The following CENPE variants were observed in gnomAD, a reference collection of about 807,000 sequenced individuals.
The protein encoded by CENPE is centromere-associated protein E.
CENPE carries 145 observed loss-of-function variants against 336.1 expected under a neutral mutation model. The observed-to-expected ratio is 0.43, with a 90% confidence interval of 0.38 to 0.50. The LOEUF is 0.50. Among genes scored for constraint, CENPE ranks in the 20% least tolerant of loss-of-function variants. The pLI, the probability that CENPE is intolerant of heterozygous loss-of-function variation, is 0.00. For missense variants in CENPE, 2,719 were observed against 3,023.3 expected, an observed-to-expected ratio of 0.90 and a Z score of 2.36; for synonymous variants, 1,013 against 984.8, an observed-to-expected ratio of 1.03 and a Z score of -0.54.
chr4:103,185,679 C>T, intron 9 of CENPE, 131 bp downstream of exon 9: 1 of 514,792 alleles, frequency 1.9e-6, no homozygotes, highest in Non-Finnish European at 3.4e-6. Flanking sequence ...CAGAAAATCA[C>T]AATTAATGAT....
At chr4:103,196,110 T>C (rs547539080) in intron 3 of CENPE, 53 bp downstream of exon 3, 2 of 1,583,266 alleles carry the variant, frequency 1.3e-6, no homozygotes, top group Admixed American at 1.7e-5. Context: ...TGCATGCTTG[T>C]TGCACAGACG....
At chr4:103,146,179 G>T in intron 29 of CENPE, 72 bp from the exon 30 acceptor site, 1 of 1,399,594 alleles carries the variant, frequency 7.1e-7, no homozygotes, top group Non-Finnish European at 9.7e-7. Flanking sequence ...AAATCAGGAT[G>T]CTTTCTAAAA....
chr4:103,197,256 G>A (rs963891624), intron 1 of CENPE, among the ~76,000 whole-genome samples: 14 of 152,072 alleles, frequency 9.2e-5, no homozygotes, highest in African/African-American at 3.1e-4. Flanking sequence ...CTACCTGAAG[G>A]TCTTCCCCAA....
Position 103,149,177 on chromosome 4 carries a change from T to A in CENPE, c.3628A>T (p.Lys1210Ter). 6.2e-7 allele frequency: 1 copy of A among 1,609,960 alleles called. No individual in the cohort carries two copies. The highest frequency in any genetic ancestry group is 1.7e-5 in the Admixed American group (1 of 59,480). Residue 1210 changes from lysine (K) to a stop codon, truncating the protein, a stop_gained, in exon 27 of 49, where the codon AAG becomes TAG. Coordinates refer to ENST00000265148, the MANE Select transcript of CENPE (RefSeq NM_001813.3). LOFTEE classifies it high-confidence loss of function. ...TGGTCTCTCTCTGTTTCAAATGACT[T>A]CTGTAATTCCTTTAGAACTTTTCTT... ...KERKVLKELQ[K>*]SFETERDHLR...
intron 25 of CENPE, among the ~76,000 whole-genome samples, chr4:103,151,950 C>T (rs1294884371): frequency 6.6e-6 from 1 of 152,050 alleles, no homozygotes; most frequent in Non-Finnish European, 1.5e-5. Context: ...GAGACAATCC[C>T]CAAAACTTAT....
At chr4:103,158,492 A>G (rs1266066611) in intron 23 of CENPE, 34 bp from the exon 24 acceptor site, 2 of 1,513,932 alleles carry the variant, frequency 1.3e-6, no homozygotes, top group African/African-American at 2.8e-5. Flanking sequence ...AATTTCCATT[A>G]GAATATGAAA....
At position 103,145,523 on chromosome 4, in the gene CENPE, C is replaced by T; in HGVS notation, c.4572G>A (p.Lys1524=). 1 of 1,598,320 alleles carries T rather than the reference C, an allele frequency of 6.3e-7. No homozygotes were observed. The highest frequency in any genetic ancestry group is 1.3e-5 in the African/African-American group (1 of 74,232). The stretch of plus-strand genomic sequence containing the variant: ...CACTGTTTCTTCATCCCCAATTTAC[C>T]TTGTTCTGTAATTTATCATTGATTG... ...LEAINDKLQN[K]IQEIYEKEEQ... is the part of the protein sequence containing the mutation. The change falls in exon 31 of 49, where the codon AAG becomes AAA. Residue 1524 remains lysine, a splice_region_variant and synonymous_variant. Coordinates refer to ENST00000265148, the MANE Select transcript of CENPE (RefSeq NM_001813.3).
intron 16 of CENPE, among the ~76,000 whole-genome samples, chr4:103,170,189 C>T (rs976056394): frequency 8.5e-5 from 13 of 152,112 alleles, no homozygotes; most frequent in South Asian, 6.2e-4. Flanking sequence ...TGTTAAATGA[C>T]GAGTTAATGG....
At chr4:103,123,535 A>C (rs1375002252) in intron 42 of CENPE, among the ~76,000 whole-genome samples, 1 of 152,188 alleles carries the variant, frequency 6.6e-6, no homozygotes, top group East Asian at 1.9e-4. Flanking sequence ...CTTAATAAGA[A>C]AAAAAATCAT....
intron 1 of CENPE, among the ~76,000 whole-genome samples, chr4:103,197,447 A>G (rs890983704): frequency 6.6e-6 from 1 of 152,240 alleles, no homozygotes; most frequent in African/African-American, 2.4e-5. Flanking sequence ...CCTGCCCATC[A>G]TAACACTTGT....
chr4:103,132,911 A>AT lies in CENPE; in HGVS notation c.6721-16_6721-15insA. On this transcript the variant is annotated splice_polypyrimidine_tract_variant and intron_variant, in intron 41 of 48. Transcript: ENST00000265148. ...TTGAGAATTTCCTGTGTGAAAAATA[A>AT]GCGTCAAATTGTTTAAACATTAGGA... 2 of 1,238,082 alleles carry AT rather than the reference A, an allele frequency of 1.6e-6. No homozygotes were observed. Among genetic ancestry groups the AT allele is most frequent in the Non-Finnish European group, 2.2e-6 (2 of 927,210 alleles). 76.7% of individuals were successfully genotyped at this position (1,238,082 alleles called of 1,614,324 possible).
intron 15 of CENPE, among the ~76,000 whole-genome samples, chr4:103,175,305 T>C (rs534318818): frequency 6.6e-6 from 1 of 152,010 alleles, no homozygotes; most frequent in African/African-American, 2.4e-5. Context: ...CCTATTTCTA[T>C]TTTCTATATT....
intron 46 of CENPE, among the ~76,000 whole-genome samples, chr4:103,111,775 G>A (rs1287738761): frequency 6.6e-6 from 1 of 152,068 alleles, no homozygotes; most frequent in Admixed American, 6.6e-5. Flanking sequence ...CTCGGTAGGT[G>A]CTGTGGTTAT....
At position 103,122,896 on chromosome 4, in the gene CENPE, G is replaced by A; in HGVS notation, c.7118C>T (p.Ser2373Leu). 6.2e-7 allele frequency: 1 copy of A among 1,613,124 alleles called. No homozygotes were observed. The highest frequency in any genetic ancestry group is 1.1e-5 in the South Asian group (1 of 91,050). The change falls in exon 43 of 49, where the codon TCA becomes TTA. Residue 2373 changes from serine to leucine, a missense_variant. Transcript: ENST00000265148. ...CTCTGTGGTTAACTGTGTAGCTCTT[G>A]ATGTAACATGAGGATTCTTATTGTC... ...TQDNKNPHVT[S>L]RATQLTTEKI...
At chr4:103,192,907 C>T (rs1476729215) in intron 8 of CENPE, among the ~76,000 whole-genome samples, 1 of 151,562 alleles carries the variant, frequency 6.6e-6, no homozygotes, top group South Asian at 2.1e-4. Context: ...CACAGAATAC[C>T]TCCAAGTTTT....
Position 103,149,311 on chromosome 4 carries a change from T to C in CENPE, c.3494A>G (p.Asn1165Ser), listed in dbSNP as rs201637799. The change falls in exon 27 of 49, where the codon AAT becomes AGT. Residue 1165 changes from asparagine (N) to serine (S), a missense_variant. Transcript: ENST00000265148. ...TGTCAATTCTTTGTTCTTTAATTCA[T>C]TCTTTAAATTCTCTATTTCATTAAT... ...KKINEIENLK[N>S]ELKNKELTLE... The C allele has an allele frequency of 1.2e-4, 186 of 1,611,794 alleles. No individual in the cohort carries two copies. The Middle Eastern group carries it at 2.0e-3, about 17-fold the overall frequency.
In CENPE at chr4:103,159,401, C is replaced by T. The variant is rs552295400; in HGVS notation, c.2287-77G>A. On this transcript the variant is annotated intron_variant, in intron 21 of 48. Coordinates refer to ENST00000265148, the MANE Select transcript of CENPE (RefSeq NM_001813.3). ...AGCAATTTTTAGGAAAAAAAGCTTT[C>T]TCTGCAAAAAGAGAAGTTATTTACA... 133 of 879,428 alleles carry T rather than the reference C, an allele frequency of 1.5e-4. No homozygotes were observed. The East Asian group carries it at 4.0e-3, about 27-fold the overall frequency. The allele number at this position is 879,428 out of a possible 1,614,324, so 54.5% of individuals were successfully genotyped here.
chr4:103,123,053 T>C lies in CENPE; in HGVS notation c.6961A>G (p.Ser2321Gly). ...MNESTEFEER[S>G]ATISKEWEQD... is the part of the protein sequence containing the mutation. Reference sequence around the variant, plus strand: ...TCCCACTCTTTGGATATGGTAGCACTTCTTTCCTCAAACTCTGTTGATTCA... The same window carrying C: ...TCCCACTCTTTGGATATGGTAGCACCTCTTTCCTCAAACTCTGTTGATTCA... The change falls in exon 43 of 49, where the codon AGT becomes GGT. Residue 2321 changes from serine (S) to glycine (G), a missense_variant. Coordinates refer to ENST00000265148, the MANE Select transcript of CENPE (RefSeq NM_001813.3). 1 of 1,613,950 alleles carries C rather than the reference T, an allele frequency of 6.2e-7. No homozygotes were observed. Among genetic ancestry groups the C allele is most frequent in the Non-Finnish European group, 8.5e-7 (1 of 1,179,874 alleles).
intron 20 of CENPE, 68 bp downstream of exon 20, chr4:103,161,018 T>A: frequency 7.7e-7 from 1 of 1,298,770 alleles, no homozygotes; most frequent in East Asian, 2.4e-5. Flanking sequence ...AATATGCTTG[T>A]CAAATTGTTT....
Sources: allele counts gnomAD v4.1 joint callset (sites outside exome capture counted in the v4.1 genomes callset), GRCh38; gene constraint gnomAD v4.1.1; transcripts MANE v1.5; gene names NCBI Gene and HGNC (gene_info 2026-07-23, HGNC 2026-07-21).